Variants in KIF13A observed in about 807,000 individuals in gnomAD.
KIF13A encodes kinesin family member 13A.
KIF13A carries 79 observed loss-of-function variants against 212.2 expected under a neutral mutation model. The ratio of observed to expected loss-of-function variants is 0.37; its 90% CI spans 0.31 to 0.45. The LOEUF is 0.45. Among genes scored for constraint, KIF13A ranks in the 20% least tolerant of loss-of-function variants. The pLI, the probability that KIF13A is intolerant of heterozygous loss-of-function variation, is 1.00. For missense variants in KIF13A, 1,901 were observed against 2,209.0 expected (o/e 0.86, Z 2.79); for synonymous variants, 789 against 808.6 (o/e 0.98, Z 0.41).
chr6:17,850,239 A>C lies in KIF13A; in HGVS notation c.717+84T>G. On this transcript the variant is annotated intron_variant, in intron 8 of 38. Transcript: ENST00000259711. The surrounding 1 kb of genome is among the most constrained non-coding windows in gnomAD (Gnocchi z 6.2). ...GCCAACATACAATTCTCAGCCACTG[A>C]ACCCAACCATGAAAGACTTTACCTA... The C allele has an allele frequency of 7.2e-7, 1 of 1,381,538 alleles. No individual in the cohort carries two copies. 85.6% of individuals were successfully genotyped at this position (1,381,538 alleles called of 1,614,324 possible).
chr6:17,950,467 C>T (rs1417581587), intron 2 of KIF13A: 8 of 983,984 alleles, frequency 8.1e-6, no homozygotes, highest in Non-Finnish European at 9.7e-6. Flanking sequence ...ATGAATTTCA[C>T]TGGTCAAATT....
chr6:17,952,511 T>C (rs12197663), intron 2 of KIF13A, among the ~76,000 whole-genome samples: 33,565 of 151,808 alleles, frequency 0.22, 4,276 homozygotes, highest in African/African-American at 0.35. Context: ...TGTGCTCGCA[T>C]CTGTGGTCTT....
At chr6:17,784,458 G>A (rs543782715) in intron 28 of KIF13A, among the ~76,000 whole-genome samples, 1 of 152,038 alleles carries the variant, frequency 6.6e-6, no homozygotes, top group East Asian at 1.9e-4. Flanking sequence ...AACTTGCCCA[G>A]CTGCATCAGA....
chr6:17,876,714 A>T (rs1310834124), intron 3 of KIF13A, among the ~76,000 whole-genome samples: 1 of 152,134 alleles, frequency 6.6e-6, no homozygotes, highest in East Asian at 1.9e-4. Flanking sequence ...ATCATGGCTC[A>T]CTGCAGCCTC....
chr6:17,802,490 A>G (rs1410006679), intron 20 of KIF13A, among the ~76,000 whole-genome samples: 1 of 151,978 alleles, frequency 6.6e-6, no homozygotes, highest in Non-Finnish European at 1.5e-5. Flanking sequence ...GGGTTTCTCC[A>G]TGTTGGTCAG....
chr6:17,962,531 CA>C (rs1282560411), intron 2 of KIF13A, among the ~76,000 whole-genome samples: 2 of 151,988 alleles, frequency 1.3e-5, no homozygotes, highest in Non-Finnish European at 2.9e-5. Context: ...GAAGAGGCAG[CA>C]GCCAGAGAGG....
rs1024895883 is a variant in KIF13A at position 17,914,995 on chromosome 6, A to G, written c.147-16815T>C. Among the ~76,000 whole-genome samples the G allele has an allele frequency of 1.2e-4, 18 of 152,158 alleles. No individual in the cohort carries two copies. The highest frequency in any genetic ancestry group is 4.3e-4 in the African/African-American group (18 of 41,440). On this transcript the variant is annotated intron_variant, in intron 2 of 38. Transcript: ENST00000259711. This position sits in a 1 kb window ranked among gnomAD's most constrained non-coding sequence, Gnocchi z 5.9. ...TTGACTTCAATTAATACACCTTCTG[A>G]TGGACTCATACATTTAACTACCTGG...
In KIF13A at chr6:17,926,983, C is replaced by T. The variant is rs184821762; in HGVS notation, c.147-28803G>A. ...TGAAACCTCATCTCTACTAAAAATA[C>T]AAAAATTAGCCAGGTGTGGTGGTGC... On this transcript the variant is annotated intron_variant, in intron 2 of 38. Coordinates refer to ENST00000259711, the MANE Select transcript of KIF13A (RefSeq NM_022113.6). This position sits in a 1 kb window ranked among gnomAD's most constrained non-coding sequence, Gnocchi z 4.3. Among the ~76,000 whole-genome samples, 595 of 152,012 alleles carry T rather than the reference C, an allele frequency of 3.9e-3. 3 individuals carry two copies. Among genetic ancestry groups the T allele is most frequent in the Non-Finnish European group, 5.8e-3 (397 of 67,970 alleles).
rs1256308110 is a variant in KIF13A, at chr6:17,915,958, AATAAAAT to A, written c.147-17785_147-17779del. 5.7e-5 allele frequency among the ~76,000 whole-genome samples: 7 copies of A among 123,486 alleles called. No individual in the cohort carries two copies. The highest frequency in any genetic ancestry group is 2.8e-4 in the South Asian group (1 of 3,580). The allele number at this position is 123,486 out of a possible 152,430, so 81.0% of individuals were successfully genotyped here. A position where few individuals can be genotyped will look rare whatever the true frequency, so the allele number is the denominator to read the frequency against. On this transcript the variant is annotated intron_variant, in intron 2 of 38. Coordinates refer to ENST00000259711, the MANE Select transcript of KIF13A (RefSeq NM_022113.6). This position sits in a 1 kb window ranked among gnomAD's most constrained non-coding sequence, Gnocchi z 4.4. ...TCTCAAAAAAAAAAATAAAAATAAA[AATAAAAT>A]AAAATAAAATAAATTACAGTTCAAA...
intron 2 of KIF13A, among the ~76,000 whole-genome samples, chr6:17,911,827 C>T (rs1057183956): frequency 9.4e-5 from 14 of 149,664 alleles, no homozygotes; most frequent in African/African-American, 3.0e-4. Context: ...TACAGTAATG[C>T]GATCTTGACT....
chr6:17,775,549 AGCTTAAGGACAT>A (rs1325514067), intron 34 of KIF13A, among the ~76,000 whole-genome samples: 10 of 152,154 alleles, frequency 6.6e-5, no homozygotes, highest in Admixed American at 5.2e-4. Context: ...GAGAATGATT[AGCTTAAGGACAT>A]GCCAATTTTT....
chr6:17,796,752 T>C lies in KIF13A; in HGVS notation c.2859A>G (p.Val953=). The C allele has an allele frequency of 6.3e-7, 1 of 1,592,318 alleles. No homozygotes were observed. Among genetic ancestry groups the C allele is most frequent in the Non-Finnish European group, 8.6e-7 (1 of 1,168,234 alleles). The part of the protein sequence containing the change: ...FISDGALAIE[V]WGHRCAGNGS... ...CATTTCCAGCACACCGGTGGCCCCA[T>C]ACTTCAATGGCCAGTGCTCCATCTG... The change falls in exon 23 of 39, where the codon GTA becomes GTG. Residue 953 remains valine (V), a synonymous_variant. Transcript: ENST00000259711.
rs1387638367 is a variant in KIF13A at position 17,900,704 on chromosome 6, CTTCATTCATTGATACACCCTGTAA to C, written c.147-2548_147-2525del. On this transcript the variant is annotated intron_variant, in intron 2 of 38. Transcript: ENST00000259711. This position sits in a 1 kb window ranked among gnomAD's most constrained non-coding sequence, Gnocchi z 4.6. ...ACTTCATTCACTGATACAACCTGTACTTCATTCATTGATACACCCTGTAATTCATTCATTGATACACCTTTCTTA... is the reference window on the plus strand; with the variant it reads ...ACTTCATTCACTGATACAACCTGTACTTCATTCATTGATACACCTTTCTTA... 3.3e-5 allele frequency among the ~76,000 whole-genome samples: 5 copies of C among 152,178 alleles called. No individual in the cohort carries two copies.
chr6:17,958,206 T>A (rs1323030094), intron 2 of KIF13A, among the ~76,000 whole-genome samples: 1 of 152,222 alleles, frequency 6.6e-6, no homozygotes, highest in African/African-American at 2.4e-5. Flanking sequence ...AATTGCAATT[T>A]GTCTTTGGTG....
At chr6:17,922,268 C>T (rs1243503982) in intron 2 of KIF13A, among the ~76,000 whole-genome samples, 3 of 152,090 alleles carry the variant, frequency 2.0e-5, no homozygotes, top group Non-Finnish European at 4.4e-5. Context: ...CTAAGGAAAG[C>T]CAACAATTTG....
At chr6:17,836,851 C>T (rs781717225) in intron 11 of KIF13A, 27 bp downstream of exon 11, 5 of 1,604,480 alleles carry the variant, frequency 3.1e-6, no homozygotes, top group Middle Eastern at 1.7e-4. Flanking sequence ...GGAACTTTAC[C>T]AGCAGGGAGT....
intron 2 of KIF13A, among the ~76,000 whole-genome samples, chr6:17,953,247 A>G (rs1487726701): frequency 6.6e-6 from 1 of 152,152 alleles, no homozygotes; most frequent in Non-Finnish European, 1.5e-5. Flanking sequence ...CATATAGATG[A>G]TATTATTTAT....
Position 17,951,440 on chromosome 6 carries a change from A to G in KIF13A, c.146+35614T>C. ...GCCACTGTGACCAGCCTCAATTTAA[A>G]AAAAAAAAAAAAACAGCTTTAAGAT... On this transcript the variant is annotated intron_variant, in intron 2 of 38. Transcript: ENST00000259711. This position sits in a 1 kb window ranked among gnomAD's most constrained non-coding sequence, Gnocchi z 4.9. The G allele has an allele frequency of 2.0e-6, 1 of 499,722 alleles. No homozygotes were observed. The highest frequency in any genetic ancestry group is 3.4e-5 in the East Asian group (1 of 29,010). 31.0% of individuals were successfully genotyped at this position (499,722 alleles called of 1,614,324 possible). A position where few individuals can be genotyped will look rare whatever the true frequency, so the allele number is the denominator to read the frequency against.
intron 16 of KIF13A, among the ~76,000 whole-genome samples, chr6:17,821,272 T>G (rs1407868132): frequency 6.6e-6 from 1 of 152,192 alleles, no homozygotes; most frequent in African/African-American, 2.4e-5. Context: ...CCACAAATAC[T>G]AGGTTTCTTT....
Sources: allele counts gnomAD v4.1 joint callset (sites outside exome capture counted in the v4.1 genomes callset), GRCh38; gene constraint gnomAD v4.1.1; non-coding constraint Gnocchi (gnomAD v3.1); transcripts MANE v1.5; gene names NCBI Gene and HGNC (gene_info 2026-07-23, HGNC 2026-07-21).